ATP9B: variants seen among roughly 807,000 people sequenced by gnomAD.
ATP9B encodes probable phospholipid-transporting ATPase IIB.
ATP9B carries 110 observed loss-of-function variants against 146.1 expected under a neutral mutation model. The ratio of observed to expected loss-of-function variants is 0.75; its 90% CI spans 0.65 to 0.88. The LOEUF (loss-of-function observed/expected upper bound fraction) is 0.88, where lower values mean the gene tolerates loss of function less well. ATP9B is among the 40% of genes least tolerant of loss of function. The probability of loss-of-function intolerance (pLI) is 0.00; values close to 1 mark genes in which losing one functional copy is unlikely to be tolerated. For missense variants in ATP9B, 1,499 were observed against 1,496.4 expected (o/e 1.00, Z -0.03); for synonymous variants, 604 against 569.7 (o/e 1.06, Z -0.86).
intron 8 of ATP9B, 26 bp from the exon 9 acceptor site, chr18:79,193,157 A>G (rs1209040930): frequency 6.6e-6 from 10 of 1,511,352 alleles, no homozygotes; most frequent in Non-Finnish European, 9.2e-6. Flanking sequence ...TAACATTCTA[A>G]TCGATTCAAA....
intron 12 of ATP9B, among the ~76,000 whole-genome samples, chr18:79,258,701 A>G (rs1243734611): frequency 6.6e-6 from 1 of 152,138 alleles, no homozygotes; most frequent in Non-Finnish European, 1.5e-5. Flanking sequence ...TAGCATGTTC[A>G]GTCATGCTTG....
intron 2 of ATP9B, among the ~76,000 whole-genome samples, chr18:79,107,660 A>G (rs2075744412): frequency 6.6e-6 from 1 of 152,326 alleles, no homozygotes; most frequent in South Asian, 2.1e-4. Flanking sequence ...ACATGACTTT[A>G]AAATCCATGT....
intron 25 of ATP9B, among the ~76,000 whole-genome samples, chr18:79,356,184 C>T (rs2096951725): frequency 6.6e-6 from 1 of 152,184 alleles, no homozygotes; most frequent in African/African-American, 2.4e-5. Context: ...GGTTAGACCA[C>T]AGGATGCTCC....
chr18:79,169,551 T>C (rs1456401516), intron 7 of ATP9B, among the ~76,000 whole-genome samples: 1 of 152,232 alleles, frequency 6.6e-6, no homozygotes, highest in Admixed American at 6.5e-5. Flanking sequence ...TGTAAAATCT[T>C]CATAAAGTCT....
intron 6 of ATP9B, among the ~76,000 whole-genome samples, chr18:79,150,176 A>G (rs2094663708): frequency 6.6e-6 from 1 of 152,232 alleles, no homozygotes; most frequent in Non-Finnish European, 1.5e-5. Flanking sequence ...ATCAGTATGC[A>G]TCTATCAGAA....
chr18:79,084,615 A>G (rs1366784010), intron 1 of ATP9B, among the ~76,000 whole-genome samples: 24 of 152,112 alleles, frequency 1.6e-4, no homozygotes, highest in Admixed American at 1.6e-3. Flanking sequence ...AGATATCCAC[A>G]TTGGCGGTTG....
chr18:79,318,559 A>C (rs945728318), intron 15 of ATP9B, among the ~76,000 whole-genome samples: 5 of 152,266 alleles, frequency 3.3e-5, no homozygotes, highest in African/African-American at 9.6e-5. Flanking sequence ...GACATCCCGG[A>C]TGGGACCTGG....
chr18:79,128,803 C>T lies in ATP9B; in HGVS notation c.667+2428C>T, dbSNP rs185140874. On this transcript the variant is annotated intron_variant, in intron 5 of 29. Transcript: ENST00000426216. ...TTCCACAGAAACATTGAAAATCAAG[C>T]AGAAACTGTTAGAACTAACTACTTC... Among the ~76,000 whole-genome samples, 221 of 152,262 alleles carry T rather than the reference C, an allele frequency of 1.5e-3. 3 individuals are homozygous for T. Among genetic ancestry groups the T allele is most frequent in the African/African-American group, 5.0e-3 (208 of 41,554 alleles).
intron 27 of ATP9B, among the ~76,000 whole-genome samples, chr18:79,373,181 G>C (rs2097082570): frequency 6.6e-6 from 1 of 152,066 alleles, no homozygotes; most frequent in Admixed American, 6.5e-5. Flanking sequence ...TTCATAGAGT[G>C]ATAAAAAGAC....
chr18:79,345,649 C>G, intron 22 of ATP9B, 77 bp downstream of exon 22: 1 of 1,595,788 alleles, frequency 6.3e-7, no homozygotes, highest in Non-Finnish European at 8.6e-7. Context: ...AAAGTTTGTT[C>G]CATCTCTAAA....
intron 8 of ATP9B, among the ~76,000 whole-genome samples, chr18:79,189,158 C>T (rs1320809724): frequency 6.6e-6 from 1 of 151,946 alleles, no homozygotes; most frequent in Non-Finnish European, 1.5e-5. Context: ...ACCAGTCTGA[C>T]CAATATGGTA....
intron 10 of ATP9B, among the ~76,000 whole-genome samples, chr18:79,210,156 C>T (rs1451823512): frequency 1.3e-5 from 2 of 152,274 alleles, no homozygotes; most frequent in African/African-American, 4.8e-5. Context: ...GGTTTCACTT[C>T]CCATGTGGAT....
chr18:79,329,975 C>T, intron 16 of ATP9B, 37 bp from the exon 17 acceptor site: 2 of 1,586,572 alleles, frequency 1.3e-6, no homozygotes, highest in Non-Finnish European at 8.7e-7. Context: ...AGCAATGCAG[C>T]CTAAATGTGC....
intron 6 of ATP9B, among the ~76,000 whole-genome samples, chr18:79,144,470 T>G (rs2094552625): frequency 6.6e-6 from 1 of 152,066 alleles, no homozygotes; most frequent in Admixed American, 6.6e-5. Context: ...TCATGAGGAG[T>G]GTGCAACCTA....
chr18:79,096,484 T>C lies in ATP9B; in HGVS notation c.128T>C (p.Leu43Pro). The stretch of plus-strand genomic sequence containing the variant: ...ATTTTTACCCTAACTAGGTACCAGC[T>C]GGAGGATGAGTCTGCGCATTTGGAT... ...PGADRHSRYQLEDESAHLDEM... is the reference protein window; with the variant it reads ...PGADRHSRYQPEDESAHLDEM... Residue 43 changes from leucine (L) to proline (P), a missense_variant, in exon 2 of 30, where the codon CTG becomes CCG. Coordinates refer to ENST00000426216, the MANE Select transcript of ATP9B (RefSeq NM_198531.5). 6.2e-7 allele frequency: 1 copy of C among 1,613,950 alleles called. No homozygotes were observed. Among genetic ancestry groups the C allele is most frequent in the Non-Finnish European group, 8.5e-7 (1 of 1,179,912 alleles).
At chr18:79,117,259 A>G (rs2094102245) in intron 4 of ATP9B, 1 of 152,236 alleles carries the variant, frequency 6.6e-6, no homozygotes, top group Non-Finnish European at 1.5e-5. Context: ...ACAGTGAACA[A>G]GACAAACCAA....
intron 13 of ATP9B, among the ~76,000 whole-genome samples, chr18:79,293,957 C>T (rs897830425): frequency 5.3e-5 from 8 of 152,068 alleles, no homozygotes; most frequent in South Asian, 2.1e-4. Context: ...TCTTTGTGTA[C>T]ATGTAGAATT....
intron 21 of ATP9B, 128 bp from the exon 22 acceptor site, chr18:79,345,300 A>C (rs1424621349): frequency 8.8e-7 from 1 of 1,131,458 alleles, no homozygotes; most frequent in Non-Finnish European, 1.3e-6. Flanking sequence ...GATTCACAGA[A>C]AACTGAAAAG....
intron 2 of ATP9B, among the ~76,000 whole-genome samples, chr18:79,106,251 A>G (rs1242457306): frequency 1.3e-5 from 2 of 152,198 alleles, no homozygotes; most frequent in Non-Finnish European, 2.9e-5. Context: ...TAAAGCTCCT[A>G]GTTACTGTCT....
Sources: allele counts gnomAD v4.1 joint callset (sites outside exome capture counted in the v4.1 genomes callset), GRCh38; gene constraint gnomAD v4.1.1; transcripts MANE v1.5; gene names NCBI Gene and HGNC (gene_info 2026-07-23, HGNC 2026-07-21).